FAM168A: variants seen among roughly 807,000 people sequenced by gnomAD.
FAM168A encodes protein FAM168A.
A neutral mutation model predicts 28.5 loss-of-function variants in FAM168A; 3 were observed. The observed-to-expected ratio is 0.11, with a 90% CI of 0.05 to 0.27. The LOEUF is 0.27. Among genes scored for constraint, FAM168A ranks in the 10% least tolerant of loss-of-function variants. The pLI is 1.00. For missense variants in FAM168A, 222 were observed against 311.5 expected, an observed-to-expected ratio of 0.71 and a Z score of 2.16; for synonymous variants, 122 against 124.2, an observed-to-expected ratio of 0.98 and a Z score of 0.12.
intron 7 of FAM168A, 133 bp downstream of exon 7, chr11:73,407,380 C>G: frequency 1.8e-6 from 1 of 540,652 alleles, no homozygotes. Flanking sequence ...GACCTTGGAG[C>G]AGGAAAGCAA....
rs1481391321 is a variant in FAM168A at position 73,482,900 on chromosome 11, G to A, written c.-18-14408C>T. 8.5e-5 allele frequency among the ~76,000 whole-genome samples: 13 copies of A among 152,106 alleles called. No homozygotes were observed. In the East Asian group the frequency reaches 1.2e-3, roughly 14 times the overall value. ...ATTAAAGGCGTGAGCCACCACGCCC[G>A]GCTAATTTTTTGTATTTTTAGTAGA... On this transcript the variant is annotated intron_variant, in intron 1 of 7. Transcript: ENST00000356467.
At chr11:73,534,544 A>G (rs889958146) in intron 1 of FAM168A, among the ~76,000 whole-genome samples, 1 of 152,020 alleles carries the variant, frequency 6.6e-6, no homozygotes, top group Non-Finnish European at 1.5e-5. Flanking sequence ...CTGGGATTAC[A>G]GGAGCCCACC....
At chr11:73,570,959 A>G (rs529899202) in intron 1 of FAM168A, among the ~76,000 whole-genome samples, 3 of 152,318 alleles carry the variant, frequency 2.0e-5, no homozygotes, top group African/African-American at 7.2e-5. Flanking sequence ...AAGATGCCTA[A>G]GTATGTTCTT....
intron 2 of FAM168A, among the ~76,000 whole-genome samples, chr11:73,441,965 C>A (rs907617386): frequency 1.1e-4 from 17 of 152,074 alleles, no homozygotes; most frequent in Non-Finnish European, 2.2e-4. Context: ...TTTAAAATAA[C>A]CAACTTTTGG....
At chr11:73,582,418 G>A (rs1944259370) in intron 1 of FAM168A, among the ~76,000 whole-genome samples, 2 of 152,044 alleles carry the variant, frequency 1.3e-5, no homozygotes, top group South Asian at 4.1e-4. Context: ...AGCTACTCGG[G>A]AGGCTGAGGC....
At chr11:73,558,803 A>G (rs1263751263) in intron 1 of FAM168A, among the ~76,000 whole-genome samples, 1 of 152,208 alleles carries the variant, frequency 6.6e-6, no homozygotes, top group Non-Finnish European at 1.5e-5. Context: ...GGAAATAAGT[A>G]TAAGCAAGGA....
intron 1 of FAM168A, among the ~76,000 whole-genome samples, chr11:73,545,683 CTTTT>C (rs966309670): frequency 9.5e-6 from 1 of 105,174 alleles, no homozygotes; most frequent in Non-Finnish European, 1.8e-5. Flanking sequence ...ATACTATATA[CTTTT>C]TTTTTTTTTT....
At chr11:73,535,173 T>A (rs188142997) in intron 1 of FAM168A, among the ~76,000 whole-genome samples, 497 of 152,254 alleles carry the variant, frequency 3.3e-3, no homozygotes, top group Middle Eastern at 0.01. Context: ...TTTTTTTCTT[T>A]TTTTTACAGA....
intron 1 of FAM168A, among the ~76,000 whole-genome samples, chr11:73,586,919 G>A (rs1270293335): frequency 2.0e-5 from 3 of 152,088 alleles, no homozygotes; most frequent in Non-Finnish European, 2.9e-5. Context: ...TTGTGAAACT[G>A]TTCAACTCTA....
rs974892828 is a variant in FAM168A at position 73,596,121 on chromosome 11, A to G, written c.-19+1802T>C. Among the ~76,000 whole-genome samples the G allele has an allele frequency of 2.0e-5, 3 of 152,232 alleles. No individual in the cohort carries two copies. The South Asian group carries it at 6.2e-4, about 31-fold the overall frequency. On this transcript the variant is annotated intron_variant, in intron 1 of 7. Coordinates refer to ENST00000356467, the MANE Select transcript of FAM168A (RefSeq NM_015159.3). ...TTAAAGAGGGGGTAAAAAAGGCCCA[A>G]GCTCTTTTTGCCTATGTGCTTGTTA...
At chr11:73,444,898 T>C (rs1177402920) in intron 2 of FAM168A, among the ~76,000 whole-genome samples, 2 of 152,198 alleles carry the variant, frequency 1.3e-5, no homozygotes, top group Non-Finnish European at 2.9e-5. Flanking sequence ...ATGTCAGTAT[T>C]CTCTATTTTT....
chr11:73,425,179 G>C, intron 3 of FAM168A: 1 of 620,512 alleles, frequency 1.6e-6, no homozygotes, highest in Non-Finnish European at 2.7e-6. Flanking sequence ...AGTAAATAAA[G>C]ATGTAAAACA....
chr11:73,568,283 T>C (rs988900567), intron 1 of FAM168A, among the ~76,000 whole-genome samples: 2 of 152,154 alleles, frequency 1.3e-5, no homozygotes, highest in African/African-American at 4.8e-5. Context: ...TTAAAACAAT[T>C]AATTCTTAAA....
intron 1 of FAM168A, among the ~76,000 whole-genome samples, chr11:73,587,491 C>CAA (rs750571231): frequency 8.0e-5 from 7 of 87,520 alleles, no homozygotes; most frequent in Admixed American, 1.2e-4. Flanking sequence ...GACTCCGTCT[C>CAA]AAAAAAAAAA....
chr11:73,500,256 CTT>C (rs57040993), intron 1 of FAM168A, among the ~76,000 whole-genome samples: 132 of 122,546 alleles, frequency 1.1e-3, no homozygotes, highest in African/African-American at 1.9e-3. Context: ...CCCAGAATTC[CTT>C]TTTTTTTTTT....
At chr11:73,463,140 T>C (rs1291017539) in intron 2 of FAM168A, among the ~76,000 whole-genome samples, 1 of 151,934 alleles carries the variant, frequency 6.6e-6, no homozygotes, top group Non-Finnish European at 1.5e-5. Context: ...GGTTATTTTT[T>C]GTATTTTTAG....
chr11:73,531,802 CTT>C (rs35314829), intron 1 of FAM168A, among the ~76,000 whole-genome samples: 39 of 121,766 alleles, frequency 3.2e-4, no homozygotes, highest in Admixed American at 4.2e-4. Flanking sequence ...CCAAGTATCA[CTT>C]TTTTTTTTTT....
intron 1 of FAM168A, among the ~76,000 whole-genome samples, chr11:73,569,277 C>T (rs887678382): frequency 2.0e-5 from 3 of 152,168 alleles, no homozygotes; most frequent in African/African-American, 7.2e-5. Context: ...TTCAGTCATG[C>T]ATTCCCTCAG....
chr11:73,426,698 ATATGC>A (rs1208406346), intron 3 of FAM168A, among the ~76,000 whole-genome samples: 4 of 124,522 alleles, frequency 3.2e-5, no homozygotes. Flanking sequence ...GGATTCCAAA[ATATGC>A]TGTGTGTGTG....
Sources: allele counts gnomAD v4.1 joint callset (sites outside exome capture counted in the v4.1 genomes callset), GRCh38; gene constraint gnomAD v4.1.1; transcripts MANE v1.5; gene names NCBI Gene and HGNC (gene_info 2026-07-23, HGNC 2026-07-21).